KCTD17: variants seen among roughly 807,000 people sequenced by gnomAD.
The protein encoded by KCTD17 is potassium channel tetramerization domain containing 17.
KCTD17 carries 20 observed loss-of-function variants against 41.5 expected under a neutral mutation model. That is an observed-to-expected ratio of 0.48 (90% CI 0.34 to 0.70). The LOEUF (loss-of-function observed/expected upper bound fraction) is 0.70. KCTD17 is among the 30% of genes least tolerant of loss of function. KCTD17 has a pLI of 0.01. For missense variants in KCTD17, 317 were observed against 427.2 expected (o/e 0.74, Z 2.27); for synonymous variants, 156 against 173.8 (o/e 0.90, Z 0.80).
chr22:37,062,742 C>A lies in KCTD17; in HGVS notation c.*148C>A. ...GGGGCCCCCCTGGGACCTCTTAAGGCCCAAGGTGGGCCCCAGGACCTCTGG... is the reference window on the plus strand; with the variant it reads ...GGGGCCCCCCTGGGACCTCTTAAGGACCAAGGTGGGCCCCAGGACCTCTGG... On this transcript the variant is annotated 3_prime_UTR_variant, in exon 9 of 9. Transcript: ENST00000403888. 3 of 1,459,836 alleles carry A rather than the reference C, an allele frequency of 2.1e-6. No homozygotes were observed. Among genetic ancestry groups the A allele is most frequent in the South Asian group, 2.8e-5 (2 of 70,240 alleles). The allele number at this position is 1,459,836 out of a possible 1,614,324, so 90.4% of individuals were successfully genotyped here.
At position 37,061,239 on chromosome 22, in the gene KCTD17, C is replaced by T. The variant is rs944555081; in HGVS notation, c.784+64C>T. The T allele has an allele frequency of 1.9e-6, 3 of 1,547,140 alleles. No individual in the cohort carries two copies. The Admixed American group carries it at 5.9e-5, about 30-fold the overall frequency. Reference sequence around the variant, plus strand: ...ATCTCATCTGCACCCTGCCTCTTCCCTCTCTGCCCCTGTCCGGGTTTTCTC... The same window carrying T: ...ATCTCATCTGCACCCTGCCTCTTCCTTCTCTGCCCCTGTCCGGGTTTTCTC... On this transcript the variant is annotated intron_variant, in intron 7 of 8. Transcript: ENST00000403888. This position sits in a 1 kb window ranked among gnomAD's most constrained non-coding sequence, Gnocchi z 6.6.
At chr22:37,062,457 C>T in intron 8 of KCTD17, 68 bp from the exon 9 acceptor site, 1 of 1,493,264 alleles carries the variant, frequency 6.7e-7, no homozygotes, top group Non-Finnish European at 9.0e-7. Flanking sequence ...TGCCCTGCAT[C>T]ACCCCCTCCT....
Position 37,062,778 on chromosome 22 carries a change from C to CT in KCTD17, c.*185dup. The CT allele has an allele frequency of 7.6e-7, 1 of 1,312,240 alleles. No individual in the cohort carries two copies. The highest frequency in any genetic ancestry group is 1.0e-6 in the Non-Finnish European group (1 of 988,662). 81.3% of individuals were successfully genotyped at this position (1,312,240 alleles called of 1,614,324 possible). On this transcript the variant is annotated 3_prime_UTR_variant, in exon 9 of 9. Transcript: ENST00000403888. ...CCCCAGGACCTCTGGGCAGAGTGGA[C>CT]TGCTCATGGCAGATGTGTGGCAATG...
At position 37,062,633 on chromosome 22, in the gene KCTD17, T is replaced by A; in HGVS notation, c.*39T>A. 1 of 1,594,238 alleles carries A rather than the reference T, an allele frequency of 6.3e-7. No homozygotes were observed. On this transcript the variant is annotated 3_prime_UTR_variant, in exon 9 of 9. Coordinates refer to ENST00000403888, the MANE Select transcript of KCTD17 (RefSeq NM_001282684.2). ...TGTACCATGGGGTGGGCCCCGGGCC[T>A]GAGAAGGAAGAAGCACCCTCTCCCC...
intron 1 of KCTD17, 62 bp downstream of exon 1, chr22:37,052,011 T>C: frequency 7.8e-7 from 1 of 1,285,388 alleles, no homozygotes; most frequent in South Asian, 2.1e-5. Context: ...GACGCGGGGC[T>C]GTCGGGCCTG....
chr22:37,056,235 G>T, intron 2 of KCTD17, 85 bp from the exon 3 acceptor site: 1 of 1,155,006 alleles, frequency 8.7e-7, no homozygotes, highest in East Asian at 2.6e-5. Flanking sequence ...CAGAGCGAGA[G>T]GTGGGTTTCG....
chr22:37,053,044 G>A lies in KCTD17; in HGVS notation c.190-56G>A. On this transcript the variant is annotated intron_variant, in intron 1 of 8. Transcript: ENST00000403888. This position sits in a 1 kb window ranked among gnomAD's most constrained non-coding sequence, Gnocchi z 4.1. ...TCCTTCCCTCCCTGTGCGTGTGCGG[G>A]GTTGGCTGGGGAGAAGCCTCACTCT... The A allele has an allele frequency of 7.3e-7, 1 of 1,364,794 alleles. No homozygotes were observed. The allele number at this position is 1,364,794 out of a possible 1,614,324, so 84.5% of individuals were successfully genotyped here.
At chr22:37,057,576 G>A in intron 4 of KCTD17, 83 bp downstream of exon 4, 2 of 1,101,410 alleles carry the variant, frequency 1.8e-6, no homozygotes, top group Non-Finnish European at 2.7e-6. Flanking sequence ...CCTTCCTGCA[G>A]CCCCAGCCTT....
chr22:37,052,907 TCACA>T (rs894124084), intron 1 of KCTD17, among the ~76,000 whole-genome samples, 189 bp from the exon 2 acceptor site: 1 of 152,090 alleles, frequency 6.6e-6, no homozygotes, highest in Non-Finnish European at 1.5e-5. Context: ...TAGCCTAAGG[TCACA>T]CATTCAGGAA....
chr22:37,056,019 A>G (rs1177796765), intron 2 of KCTD17, among the ~76,000 whole-genome samples: 5 of 152,204 alleles, frequency 3.3e-5, no homozygotes, highest in Non-Finnish European at 7.4e-5. Flanking sequence ...ATCAGTCCCA[A>G]TGACCCTGCT....
At position 37,062,904 on chromosome 22, in the gene KCTD17, C is replaced by G. The variant is rs777054755; in HGVS notation, c.*310C>G. The G allele has an allele frequency of 6.9e-6, 3 of 433,586 alleles. No individual in the cohort carries two copies. The highest frequency in any genetic ancestry group is 1.2e-5 in the Non-Finnish European group (3 of 243,218). The allele number at this position is 433,586 out of a possible 1,614,324, so 26.9% of individuals were successfully genotyped here. A position where few individuals can be genotyped will look rare whatever the true frequency, so the allele number is the denominator to read the frequency against. ...GCCCGGTCACATTGCCTCCTTGAGC[C>G]TTAGTCCAGGGGGTCACTCCTCCCA... On this transcript the variant is annotated 3_prime_UTR_variant, in exon 9 of 9. Coordinates refer to ENST00000403888, the MANE Select transcript of KCTD17 (RefSeq NM_001282684.2).
intron 3 of KCTD17, among the ~76,000 whole-genome samples, chr22:37,056,886 T>C (rs1053136638): frequency 1.3e-5 from 2 of 152,076 alleles, no homozygotes; most frequent in African/African-American, 4.8e-5. Context: ...TGGGCCTCCC[T>C]GGCCAGTCTG....
chr22:37,061,613 C>G lies in KCTD17; in HGVS notation c.859C>G (p.Gln287Glu), dbSNP rs763509021. ...RASPRPLARPQSCHPCCYKPE... is the reference protein window; with the variant it reads ...RASPRPLARPESCHPCCYKPE... ...TTCTCCTCGGCCCCTCGCCCGCCCC[C>G]AGAGCTGCCATCCCTGGTTTGTAGC... Residue 287 changes from glutamine to glutamate, a missense_variant, in exon 8 of 9, where the codon CAG becomes GAG. Coordinates refer to ENST00000403888, the MANE Select transcript of KCTD17 (RefSeq NM_001282684.2). This position sits in a 1 kb window ranked among gnomAD's most constrained non-coding sequence, Gnocchi z 6.6. 1 of 1,598,828 alleles carries G rather than the reference C, an allele frequency of 6.3e-7. No individual in the cohort carries two copies. The highest frequency in any genetic ancestry group is 1.7e-5 in the Admixed American group (1 of 59,870).
At chr22:37,062,463 C>T (rs1206087991) in intron 8 of KCTD17, 62 bp from the exon 9 acceptor site, 4 of 1,564,678 alleles carry the variant, frequency 2.6e-6, no homozygotes, top group Non-Finnish European at 3.5e-6. Context: ...GCATCACCCC[C>T]TCCTTACCGG....
rs370950840 is a variant in KCTD17, at chr22:37,062,631, C to A, written c.*37C>A. 7.2e-5 allele frequency: 115 copies of A among 1,595,882 alleles called. No individual in the cohort carries two copies. The African/African-American group carries it at 1.4e-3, about 19-fold the overall frequency. On this transcript the variant is annotated 3_prime_UTR_variant, in exon 9 of 9. Coordinates refer to ENST00000403888, the MANE Select transcript of KCTD17 (RefSeq NM_001282684.2). Reference sequence around the variant, plus strand: ...TTTGTACCATGGGGTGGGCCCCGGGCCTGAGAAGGAAGAAGCACCCTCTCC... The same window carrying A: ...TTTGTACCATGGGGTGGGCCCCGGGACTGAGAAGGAAGAAGCACCCTCTCC...
chr22:37,059,184 G>C, intron 4 of KCTD17, 129 bp from the exon 5 acceptor site: 3 of 1,301,930 alleles, frequency 2.3e-6, no homozygotes, highest in Non-Finnish European at 3.2e-6. Context: ...AAACCCAGGA[G>C]TGGGCCCGAC....
At position 37,062,237 on chromosome 22, in the gene KCTD17, G is replaced by GCCT. The variant is rs141374146; in HGVS notation, c.876-286_876-284dup. 0.022 allele frequency: 21,483 copies of GCCT among 985,088 alleles called. 244 individuals are homozygous for GCCT. The highest frequency in any genetic ancestry group is 0.042 in the Middle Eastern group (80 of 1,914). The allele number at this position is 985,088 out of a possible 1,614,324, so 61.0% of individuals were successfully genotyped here. ...CCCTTCAGAGTCTTGGCAGAATCTGGCCTCTGTAGGTGGCCGCCACCGAGC... is the reference window on the plus strand; with the variant it reads ...CCCTTCAGAGTCTTGGCAGAATCTGGCCTCCTCTGTAGGTGGCCGCCACCGAGC... On this transcript the variant is annotated intron_variant, in intron 8 of 8. Coordinates refer to ENST00000403888, the MANE Select transcript of KCTD17 (RefSeq NM_001282684.2).
intron 2 of KCTD17, among the ~76,000 whole-genome samples, chr22:37,054,154 C>G (rs1017908955): frequency 2.6e-5 from 4 of 152,196 alleles, no homozygotes; most frequent in Middle Eastern, 3.2e-3. Context: ...GTCAGGGCCA[C>G]AACACCAGAG....
At position 37,053,330 on chromosome 22, in the gene KCTD17, C is replaced by T; in HGVS notation, c.298+122C>T. The T allele has an allele frequency of 1.4e-6, 1 of 740,472 alleles. No individual in the cohort carries two copies. The highest frequency in any genetic ancestry group is 2.3e-6 in the Non-Finnish European group (1 of 437,816). The allele number at this position is 740,472 out of a possible 1,614,324, so 45.9% of individuals were successfully genotyped here. On this transcript the variant is annotated intron_variant, in intron 2 of 8. Transcript: ENST00000403888. The surrounding 1 kb of genome is among the most constrained non-coding windows in gnomAD (Gnocchi z 4.1). ...CCTGCTTGGTTGTTTCCTGCCTCTT[C>T]CCAGTCGGACGGGGCTGATTCCCAA...
Sources: allele counts gnomAD v4.1 joint callset (sites outside exome capture counted in the v4.1 genomes callset), GRCh38; gene constraint gnomAD v4.1.1; non-coding constraint Gnocchi (gnomAD v3.1); transcripts MANE v1.5; gene names NCBI Gene and HGNC (gene_info 2026-07-23, HGNC 2026-07-21).